Variants in CRTAC1 observed in about 807,000 individuals in gnomAD.
The protein encoded by CRTAC1 is cartilage acidic protein 1, also known as acidic secreted protein in cartilage.
In CRTAC1, 37 loss-of-function variants were observed where a neutral mutation model predicts 67.8. The observed-to-expected ratio is 0.55, with a 90% CI of 0.42 to 0.72. CRTAC1 has a LOEUF of 0.72. CRTAC1 is among the 30% of genes least tolerant of loss of function. The pLI is 0.00. For missense variants in CRTAC1, 780 were observed against 931.6 expected, an observed-to-expected ratio of 0.84 and a Z score of 2.12; for synonymous variants, 348 against 371.0, an observed-to-expected ratio of 0.94 and a Z score of 0.71.
intron 2 of CRTAC1, among the ~76,000 whole-genome samples, chr10:97,966,309 C>A (rs2051615438): frequency 6.6e-6 from 1 of 152,244 alleles, no homozygotes; most frequent in Admixed American, 6.5e-5. Context: ...CGGGTTTTGC[C>A]ATGTTGGCCA....
chr10:97,955,043 C>T (rs1331174277), intron 2 of CRTAC1, among the ~76,000 whole-genome samples: 3 of 152,142 alleles, frequency 2.0e-5, no homozygotes, highest in Non-Finnish European at 2.9e-5. Context: ...TAAAACCTAA[C>T]AGTTAGGATA....
intron 2 of CRTAC1, among the ~76,000 whole-genome samples, chr10:98,010,661 C>T (rs1461972125): frequency 2.0e-5 from 3 of 152,104 alleles, no homozygotes; most frequent in Admixed American, 6.5e-5. Flanking sequence ...TTCCATCTTC[C>T]CCCCTCTTTG....
At chr10:97,869,444 C>G (rs553624929) in intron 14 of CRTAC1, 1 of 152,678 alleles carries the variant, frequency 6.5e-6, no homozygotes, top group Non-Finnish European at 1.5e-5. Flanking sequence ...AGGAGCAGCT[C>G]CAGCCTCAGC....
intron 2 of CRTAC1, among the ~76,000 whole-genome samples, chr10:97,956,057 C>T (rs1485418688): frequency 6.6e-6 from 1 of 152,202 alleles, no homozygotes; most frequent in Non-Finnish European, 1.5e-5. Context: ...GGGAATCACA[C>T]CTGCTTCTGT....
At chr10:97,929,784 C>T (rs185937336) in intron 3 of CRTAC1, among the ~76,000 whole-genome samples, 20 of 152,318 alleles carry the variant, frequency 1.3e-4, no homozygotes, top group Non-Finnish European at 2.5e-4. Flanking sequence ...TCACCATCAC[C>T]ACCATCATCC....
rs553008927 is a variant in CRTAC1 at position 97,935,204 on chromosome 10, C to T, written c.421+966G>A. The stretch of plus-strand genomic sequence containing the variant: ...CATGGCCTTGGGCAAGTCAGGTAAC[C>T]TCTTTGTGGCTCAGTTTCCTCAATT... On this transcript the variant is annotated intron_variant, in intron 3 of 14. Coordinates refer to ENST00000370597, the MANE Select transcript of CRTAC1 (RefSeq NM_018058.7). 2.0e-5 allele frequency among the ~76,000 whole-genome samples: 3 copies of T among 152,306 alleles called. No homozygotes were observed. The East Asian group carries it at 5.8e-4, about 29-fold the overall frequency.
chr10:97,909,829 A>G (rs57126859), intron 5 of CRTAC1, among the ~76,000 whole-genome samples: 4,453 of 152,324 alleles, frequency 0.029, 209 homozygotes, highest in African/African-American at 0.099. Flanking sequence ...ATGGATGAAT[A>G]CATAAAGAAA....
intron 2 of CRTAC1, among the ~76,000 whole-genome samples, chr10:97,990,174 T>C (rs1053414795): frequency 2.0e-5 from 3 of 152,236 alleles, no homozygotes; most frequent in Non-Finnish European, 4.4e-5. Context: ...TGTCATGTAA[T>C]AACTCTGTGA....
chr10:97,934,160 T>A (rs1409237332), intron 3 of CRTAC1, among the ~76,000 whole-genome samples: 1 of 152,212 alleles, frequency 6.6e-6, no homozygotes, highest in African/African-American at 2.4e-5. Context: ...CGCTCCAGCT[T>A]CCAGGAGACT....
chr10:97,889,650 A>G (rs2050338144), intron 11 of CRTAC1, among the ~76,000 whole-genome samples: 1 of 152,084 alleles, frequency 6.6e-6, no homozygotes, highest in Admixed American at 6.5e-5. Flanking sequence ...CACGATGTAC[A>G]TGGGGCAAGG....
Position 98,030,529 on chromosome 10 carries a change from C to T in CRTAC1, c.-57G>A. The T allele has an allele frequency of 1.7e-6, 2 of 1,202,784 alleles. No homozygotes were observed. Among genetic ancestry groups the T allele is most frequent in the Middle Eastern group, 3.1e-4 (1 of 3,242 alleles). The allele number at this position is 1,202,784 out of a possible 1,614,324, so 74.5% of individuals were successfully genotyped here. A position where few individuals can be genotyped will look rare whatever the true frequency, so the allele number is the denominator to read the frequency against. On this transcript the variant is annotated 5_prime_UTR_variant, in exon 1 of 15. Coordinates refer to ENST00000370597, the MANE Select transcript of CRTAC1 (RefSeq NM_018058.7). The surrounding 1 kb of genome is among the most constrained non-coding windows in gnomAD (Gnocchi z 4.2). ...GTGGGAAGCGGGCGCTCGCTGCCGC[C>T]TCTGCCGCCGGCGCCGCCGCCTGCT...
intron 1 of CRTAC1, among the ~76,000 whole-genome samples, chr10:98,022,361 GAAAA>G (rs957720666): frequency 7.1e-6 from 1 of 140,174 alleles, no homozygotes; most frequent in Non-Finnish European, 1.6e-5. Flanking sequence ...TTCTCAAAAA[GAAAA>G]AAAAAGAAAG....
At chr10:97,963,478 C>T (rs887352945) in intron 2 of CRTAC1, among the ~76,000 whole-genome samples, 3 of 152,166 alleles carry the variant, frequency 2.0e-5, no homozygotes, top group Non-Finnish European at 4.4e-5. Context: ...TGCAACAGTC[C>T]GTGATGGTCT....
intron 1 of CRTAC1, among the ~76,000 whole-genome samples, chr10:98,017,626 T>TG (rs1397654021): frequency 6.6e-6 from 1 of 151,930 alleles, no homozygotes; most frequent in Non-Finnish European, 1.5e-5. Context: ...CTCAAACTCC[T>TG]GGGCTCAAGC....
chr10:97,900,406 G>T (rs981577804), intron 8 of CRTAC1, among the ~76,000 whole-genome samples: 2 of 152,238 alleles, frequency 1.3e-5, no homozygotes, highest in Non-Finnish European at 2.9e-5. Context: ...AAGGCGCTGA[G>T]AAGTCCTGCA....
At chr10:97,959,037 G>A (rs978175733) in intron 2 of CRTAC1, among the ~76,000 whole-genome samples, 1 of 152,168 alleles carries the variant, frequency 6.6e-6, no homozygotes, top group Non-Finnish European at 1.5e-5. Context: ...TGAAAGAGCT[G>A]CCGGCCATTA....
rs1327277469 is a variant in CRTAC1 at position 98,029,485 on chromosome 10, A to AGCG, written c.24+963_24+964insCGC. 1.9e-3 allele frequency among the ~76,000 whole-genome samples: 226 copies of AGCG among 117,174 alleles called. 2 individuals carry two copies. The highest frequency in any genetic ancestry group is 6.5e-3 in the African/African-American group (204 of 31,224). The allele number at this position is 117,174 out of a possible 152,430, so 76.9% of individuals were successfully genotyped here. ...AGCCACACTGGGTGCACCCACCAGCAGCAGCAGCGGCGGCGGCGGCGGCGG... is the reference window on the plus strand; with the variant it reads ...AGCCACACTGGGTGCACCCACCAGCAGCGGCAGCAGCGGCGGCGGCGGCGGCGG... On this transcript the variant is annotated intron_variant, in intron 1 of 14. Coordinates refer to ENST00000370597, the MANE Select transcript of CRTAC1 (RefSeq NM_018058.7). This position sits in a 1 kb window ranked among gnomAD's most constrained non-coding sequence, Gnocchi z 4.7.
At position 97,895,539 on chromosome 10, in the gene CRTAC1, A is replaced by G. The variant is rs80174394; in HGVS notation, c.1318-126T>C. 4.4e-5 allele frequency: 37 copies of G among 847,476 alleles called. No individual in the cohort carries two copies. The East Asian group carries it at 9.1e-4, about 21-fold the overall frequency. The allele number at this position is 847,476 out of a possible 1,614,324, so 52.5% of individuals were successfully genotyped here. On this transcript the variant is annotated intron_variant, in intron 10 of 14. Transcript: ENST00000370597. The surrounding 1 kb of genome is among the most constrained non-coding windows in gnomAD (Gnocchi z 4.2). ...AGGAAGAGAAGAAAGCAGGCAGAGG[A>G]AAAAGATAGAAACAGGAAGCCAAAC...
chr10:97,886,755 C>T (rs913239284), intron 11 of CRTAC1, among the ~76,000 whole-genome samples: 24 of 151,752 alleles, frequency 1.6e-4, no homozygotes, highest in African/African-American at 5.8e-4. Context: ...AGCCATTCTC[C>T]TGCCTCAGCC....
Sources: gnomAD v4.1 joint callset for allele counts (sites outside exome capture counted in the v4.1 genomes callset) on GRCh38, gnomAD v4.1.1 for gene constraint, Gnocchi (gnomAD v3.1) non-coding constraint, MANE v1.5 for transcripts, NCBI Gene and HGNC (gene_info 2026-07-23, HGNC 2026-07-21) for gene names.